SLC12A7: variants seen among roughly 807,000 people sequenced by gnomAD.
SLC12A7 encodes solute carrier family 12 member 7, also known as K-Cl cotransporter 4.
SLC12A7 carries 100 observed loss-of-function variants against 120.6 expected under a neutral mutation model. The ratio of observed to expected loss-of-function variants is 0.83; its 90% CI spans 0.71 to 0.98. The LOEUF (loss-of-function observed/expected upper bound fraction) is 0.98, where lower values mean the gene tolerates loss of function less well. Ranked by LOEUF, SLC12A7 falls within the 50% of genes least tolerant of loss-of-function variation. SLC12A7 has a pLI of 0.00. For missense variants in SLC12A7, 1,373 were observed against 1,548.1 expected (o/e 0.89, Z 1.90); for synonymous variants, 760 against 678.0 (o/e 1.12, Z -1.88).
chr5:1,079,065 C>T (rs1738695268), intron 10 of SLC12A7, among the ~76,000 whole-genome samples: 1 of 152,136 alleles, frequency 6.6e-6, no homozygotes, highest in African/African-American at 2.4e-5. Flanking sequence ...CAATGCTCGG[C>T]TGGAAAGAGG....
At chr5:1,137,228 C>T in the SLC12A7 span, among the ~76,000 whole-genome samples, 2 of 152,138 alleles carry the variant, frequency 1.3e-5, no homozygotes, top group Non-Finnish European at 2.9e-5. Flanking sequence ...GCCACCTGTG[C>T]CCTCTTCCCA....
At chr5:1,132,617 C>T in the SLC12A7 span, among the ~76,000 whole-genome samples, 1 of 152,138 alleles carries the variant, frequency 6.6e-6, no homozygotes, top group Non-Finnish European at 1.5e-5. Context: ...CATGAAGAAC[C>T]CTTGCCTGCC....
chr5:1,112,841 C>T (rs1210035975), upstream of SLC12A7, among the ~76,000 whole-genome samples: 2 of 145,650 alleles, frequency 1.4e-5, no homozygotes, highest in East Asian at 4.2e-4. Context: ...GGTCCAGCTC[C>T]AGTTTAGGGA....
chr5:1,075,523 A>C, intron 14 of SLC12A7, 33 bp from the exon 15 acceptor site: 5 of 1,591,780 alleles, frequency 3.1e-6, no homozygotes, highest in Non-Finnish European at 4.3e-6. Flanking sequence ...GGGGCGGCCC[A>C]ACGCCATGCA....
In SLC12A7 at chr5:1,059,207, C is replaced by T. The variant is rs560561726; in HGVS notation, c.2847+1137G>A. Among the ~76,000 whole-genome samples, 233 of 152,300 alleles carry T rather than the reference C, an allele frequency of 1.5e-3. 1 individual carries two copies. Among genetic ancestry groups the T allele is most frequent in the African/African-American group, 5.4e-3 (224 of 41,558 alleles). On this transcript the variant is annotated intron_variant, in intron 21 of 23. Transcript: ENST00000264930. ...CTCTGTCCACGGACAAGCTGGGCGGCCCCCCGTGTCCTGCATCTGTGCCCA... is the reference window on the plus strand; with the variant it reads ...CTCTGTCCACGGACAAGCTGGGCGGTCCCCCGTGTCCTGCATCTGTGCCCA...
the SLC12A7 span, among the ~76,000 whole-genome samples, chr5:1,148,618 C>T: frequency 8.5e-5 from 13 of 152,326 alleles, no homozygotes; most frequent in Non-Finnish European, 1.3e-4. Context: ...TCTCGATTCA[C>T]GAATGGGGCA....
At chr5:1,075,630 A>G (rs1738246584) in intron 14 of SLC12A7, 140 bp from the exon 15 acceptor site, 6 of 1,317,480 alleles carry the variant, frequency 4.6e-6, no homozygotes, top group African/African-American at 1.5e-5. Context: ...CCTGACGACC[A>G]TGGCTGTACT....
rs565896112 is a variant in SLC12A7 at position 1,087,449 on chromosome 5, T to A, written c.545-416A>T. Among the ~76,000 whole-genome samples the A allele has an allele frequency of 2.0e-4, 31 of 152,396 alleles. No homozygotes were observed. In the South Asian group the frequency reaches 2.1e-3, roughly 10 times the overall value. Reference sequence around the variant, plus strand: ...CGTGTACTGTGAACCACGCACGCTATCACTGGCGGGAAAGCCGGGCGCAAC... The same window carrying A: ...CGTGTACTGTGAACCACGCACGCTAACACTGGCGGGAAAGCCGGGCGCAAC... On this transcript the variant is annotated intron_variant, in intron 5 of 23. Coordinates refer to ENST00000264930, the MANE Select transcript of SLC12A7 (RefSeq NM_006598.3).
At chr5:1,074,759 G>T in intron 15 of SLC12A7, 88 bp from the exon 16 acceptor site, 1 of 1,257,510 alleles carries the variant, frequency 8.0e-7, no homozygotes, top group Admixed American at 2.0e-5. Context: ...GGGCAGGTGA[G>T]TTGGGGCAAA....
In SLC12A7 at chr5:1,077,995, G is replaced by A; in HGVS notation, c.1467C>T (p.Ala489=). The A allele has an allele frequency of 3.2e-6, 5 of 1,572,924 alleles. No individual in the cohort carries two copies. Among genetic ancestry groups the A allele is most frequent in the Non-Finnish European group, 4.3e-6 (5 of 1,160,566 alleles). The change falls in exon 12 of 24, where the codon GCC becomes GCT. Residue 489 remains alanine (A), a synonymous_variant. Coordinates refer to ENST00000264930, the MANE Select transcript of SLC12A7 (RefSeq NM_006598.3). ...GVVLRDKFGE[A]LQGNLVIGML... is the part of the protein sequence containing the mutation. ...TGCCGATGACCAGGTTCCCCTGCAG[G>A]GCCTCCCCGAACCTGCAGGCAGGCG...
the SLC12A7 span, among the ~76,000 whole-genome samples, chr5:1,146,874 A>T: frequency 6.6e-6 from 1 of 152,118 alleles, no homozygotes; most frequent in East Asian, 1.9e-4. The surrounding 1 kb of genome is among the most constrained non-coding windows in gnomAD (Gnocchi z 6.5). Context: ...GCCTTTCTGG[A>T]CCTGACCAAT....
chr5:1,078,822 G>A (rs1738662799), intron 10 of SLC12A7, 64 bp from the exon 11 acceptor site: 1 of 637,564 alleles, frequency 1.6e-6, no homozygotes, highest in East Asian at 2.8e-5. Flanking sequence ...GGGGGGTGGG[G>A]TGGGGTGGGG....
intron 14 of SLC12A7, 192 bp downstream of exon 14, chr5:1,075,946 G>A: frequency 6.9e-6 from 4 of 575,980 alleles, no homozygotes; most frequent in South Asian, 6.9e-5. Context: ...CAGCTGCGCA[G>A]GGGCTTACTC....
intron 1 of SLC12A7, among the ~76,000 whole-genome samples, chr5:1,094,888 G>T (rs1378690132): frequency 6.6e-6 from 1 of 152,116 alleles, no homozygotes; most frequent in East Asian, 1.9e-4. Context: ...TTCGAACCAG[G>T]GGGTAATCCT....
intron 3 of SLC12A7, among the ~76,000 whole-genome samples, chr5:1,092,626 T>C (rs1323796818): frequency 6.6e-6 from 1 of 152,116 alleles, no homozygotes; most frequent in Non-Finnish European, 1.5e-5. Context: ...GGGCACAGGC[T>C]CGGGGCTGAC....
In SLC12A7 at chr5:1,089,120, G is replaced by T. The variant is rs369319767; in HGVS notation, c.351C>A (p.Arg117=). 1 of 1,612,662 alleles carries T rather than the reference G, an allele frequency of 6.2e-7. No homozygotes were observed. Among genetic ancestry groups the T allele is most frequent in the East Asian group, 2.2e-5 (1 of 44,876 alleles). ...ESRRREAKAP[R]MGTFIGVYLP... The stretch of plus-strand genomic sequence containing the variant: ...GGTAGACGCCGATGAAGGTGCCCAT[G>T]CGCGGAGCCTGCGACAGAGCATAGC... Residue 117 remains arginine, a synonymous_variant, in exon 4 of 24, where the codon CGC becomes CGA. Coordinates refer to ENST00000264930, the MANE Select transcript of SLC12A7 (RefSeq NM_006598.3).
intron 4 of SLC12A7, 110 bp downstream of exon 4, chr5:1,088,872 C>T (rs528866355): frequency 1.5e-5 from 22 of 1,428,576 alleles, no homozygotes; most frequent in Middle Eastern, 2.4e-4. Flanking sequence ...CGGCTGCCAC[C>T]GCCCGAAGGC....
At chr5:1,125,986 T>C in the SLC12A7 span, among the ~76,000 whole-genome samples, 2 of 152,036 alleles carry the variant, frequency 1.3e-5, no homozygotes, top group African/African-American at 4.8e-5. Context: ...ATTTAATTGT[T>C]AATGTTTCCA....
chr5:1,060,275 GAA>G, intron 21 of SLC12A7, 67 bp downstream of exon 21: 1 of 1,224,942 alleles, frequency 8.2e-7, no homozygotes, highest in Non-Finnish European at 1.2e-6. Context: ...GAGGGTCCCA[GAA>G]AAGACTCGGC....
Sources: allele counts gnomAD v4.1 joint callset (sites outside exome capture counted in the v4.1 genomes callset), GRCh38; gene constraint gnomAD v4.1.1; non-coding constraint Gnocchi (gnomAD v3.1); transcripts MANE v1.5; gene names NCBI Gene and HGNC (gene_info 2026-07-23, HGNC 2026-07-21).